FAT4: variants seen among roughly 807,000 people sequenced by gnomAD.
FAT4 encodes protocadherin Fat 4.
FAT4 carries 84 observed loss-of-function variants against 303.9 expected under a neutral mutation model. The observed-to-expected ratio is 0.28, with a 90% CI of 0.23 to 0.33. FAT4 has a LOEUF of 0.33. Among genes scored for constraint, FAT4 ranks in the 10% least tolerant of loss-of-function variants. The pLI, the probability that FAT4 is intolerant of heterozygous loss-of-function variation, is 1.00. For synonymous variants in FAT4, 2,307 were observed against 2,298.8 expected (o/e 1.00, Z -0.10); for missense variants, 6,005 against 6,146.8 (o/e 0.98, Z 0.77).
At chr4:125,446,664 C>G in intron 9 of FAT4, 121 bp downstream of exon 9, 1 of 1,039,390 alleles carries the variant, frequency 9.6e-7, no homozygotes, top group Non-Finnish European at 1.3e-6. Flanking sequence ...TGCAAATCCT[C>G]TAAAATTCAG....
chr4:125,466,933 C>A (rs1055172554), intron 11 of FAT4, among the ~76,000 whole-genome samples: 1 of 151,806 alleles, frequency 6.6e-6, no homozygotes, highest in African/African-American at 2.4e-5. Flanking sequence ...TGCCACCATG[C>A]CCGGCTAATT....
At chr4:125,362,624 T>C (rs1167874683) in intron 2 of FAT4, among the ~76,000 whole-genome samples, 2 of 152,218 alleles carry the variant, frequency 1.3e-5, no homozygotes, top group Non-Finnish European at 2.9e-5. Flanking sequence ...GAATACCATA[T>C]GAATTTTAAA....
chr4:125,360,182 C>A (rs1195653682), intron 2 of FAT4, among the ~76,000 whole-genome samples: 1 of 152,104 alleles, frequency 6.6e-6, no homozygotes, highest in African/African-American at 2.4e-5. Context: ...TCCTCCTTTA[C>A]GCATTGCTAG....
chr4:125,425,066 G>T (rs1383902587), intron 7 of FAT4, among the ~76,000 whole-genome samples: 1 of 152,248 alleles, frequency 6.6e-6, no homozygotes, highest in East Asian at 1.9e-4. Flanking sequence ...TTAGTTCTCA[G>T]GGAAGACATT....
At chr4:125,356,949 A>T (rs1347799006) in intron 2 of FAT4, among the ~76,000 whole-genome samples, 3 of 151,952 alleles carry the variant, frequency 2.0e-5, no homozygotes, top group Admixed American at 6.6e-5. Flanking sequence ...AAAATGTAAA[A>T]ATTAAGTCCC....
At chr4:125,373,661 A>T (rs952105150) in intron 2 of FAT4, among the ~76,000 whole-genome samples, 7 of 152,178 alleles carry the variant, frequency 4.6e-5, no homozygotes, top group Admixed American at 4.6e-4. Context: ...ACACACTTTT[A>T]TCTCATTTAA....
intron 2 of FAT4, among the ~76,000 whole-genome samples, chr4:125,332,746 C>T (rs1731433819): frequency 6.6e-6 from 1 of 151,680 alleles, no homozygotes; most frequent in African/African-American, 2.4e-5. Context: ...CTTCTCCAGT[C>T]CAAAAAAGGG....
At position 125,476,129 on chromosome 4, in the gene FAT4, G is replaced by C. The variant is rs180692127; in HGVS notation, c.12214-42G>C. 2.1e-3 allele frequency: 2,797 copies of C among 1,302,892 alleles called. 13 individuals carry two copies. The highest frequency in any genetic ancestry group is 2.0e-3 in the Non-Finnish European group (1,831 of 908,884). The allele number at this position is 1,302,892 out of a possible 1,614,324, so 80.7% of individuals were successfully genotyped here. ...GTTGGCTGGAAAGGCTAATAGGGAC[G>C]GTAGAACTCAAAGTTGAATGTTTCT... On this transcript the variant is annotated intron_variant, in intron 12 of 17. Transcript: ENST00000394329.
intron 2 of FAT4, among the ~76,000 whole-genome samples, chr4:125,324,860 C>A (rs1337080743): frequency 6.6e-6 from 1 of 152,068 alleles, no homozygotes; most frequent in African/African-American, 2.4e-5. Context: ...CATTTTAAAA[C>A]TACATTATAT....
At chr4:125,470,926 T>C (rs1396016615) in intron 12 of FAT4, among the ~76,000 whole-genome samples, 1 of 152,238 alleles carries the variant, frequency 6.6e-6, no homozygotes, top group Admixed American at 6.5e-5. Context: ...CGAAATGCCT[T>C]CGTCACTAAG....
Position 125,318,593 on chromosome 4 carries a change from A to T in FAT4, c.2182A>T (p.Ile728Leu). 1.2e-6 allele frequency: 2 copies of T among 1,614,178 alleles called. No homozygotes were observed. Residue 728 changes from isoleucine to leucine, a missense_variant, in exon 2 of 18, where the codon ATA (isoleucine) becomes TTA (leucine). By Grantham distance (5) the Ile-to-Leu change is conservative (BLOSUM62 2). Coordinates refer to ENST00000394329, the MANE Select transcript of FAT4 (RefSeq NM_001291303.3). ...LGTNGTVKYS[I>L]SAGDRSRFQV... ...TACCAATGGTACTGTCAAATATAGC[A>T]TATCTGCTGGGGACAGGTCTCGGTT...
chr4:125,419,439 T>G (rs1021367700), intron 7 of FAT4, among the ~76,000 whole-genome samples: 4 of 152,192 alleles, frequency 2.6e-5, no homozygotes, highest in African/African-American at 9.7e-5. Flanking sequence ...CCACTTTTCT[T>G]TACCTCCAAA....
At chr4:125,469,473 T>G (rs1726786575) in intron 12 of FAT4, among the ~76,000 whole-genome samples, 1 of 152,214 alleles carries the variant, frequency 6.6e-6, no homozygotes, top group African/African-American at 2.4e-5. Flanking sequence ...TGAAATTGTT[T>G]CAAACTTGAA....
At chr4:125,387,369 G>C (rs1195891419) in intron 2 of FAT4, among the ~76,000 whole-genome samples, 1 of 152,172 alleles carries the variant, frequency 6.6e-6, no homozygotes. Context: ...TCTCGTGTAG[G>C]TTCTAGAAAA....
chr4:125,382,667 C>T (rs1388772843), intron 2 of FAT4, among the ~76,000 whole-genome samples: 4 of 152,182 alleles, frequency 2.6e-5, no homozygotes, highest in Non-Finnish European at 5.9e-5. Flanking sequence ...TAGTCCCTGA[C>T]AAGAAACTCA....
At chr4:125,481,393 G>C (rs1346542539) in intron 15 of FAT4, 128 bp from the exon 16 acceptor site, 3 of 698,306 alleles carry the variant, frequency 4.3e-6, no homozygotes, top group Non-Finnish European at 7.2e-6. Context: ...TTTAAGAGTA[G>C]AGTTGGGGGA....
At chr4:125,436,834 T>C (rs1048352390) in intron 8 of FAT4, among the ~76,000 whole-genome samples, 2 of 152,012 alleles carry the variant, frequency 1.3e-5, no homozygotes, top group Non-Finnish European at 2.9e-5. Flanking sequence ...CCTTGACACA[T>C]GGGGATTATT....
intron 10 of FAT4, among the ~76,000 whole-genome samples, chr4:125,459,867 A>C (rs1726423168): frequency 1.3e-5 from 2 of 152,116 alleles, no homozygotes; most frequent in Non-Finnish European, 2.9e-5. Flanking sequence ...TCTGATACTC[A>C]TTATGCTATT....
chr4:125,417,208 G>A (rs17009625), intron 7 of FAT4, among the ~76,000 whole-genome samples: 8,929 of 152,094 alleles, frequency 0.059, 342 homozygotes, highest in African/African-American at 0.1. Flanking sequence ...CTCTGGATGT[G>A]ACCTTACACT....
Sources: allele counts gnomAD v4.1 joint callset (sites outside exome capture counted in the v4.1 genomes callset), GRCh38; gene constraint gnomAD v4.1.1; transcripts MANE v1.5; gene names NCBI Gene and HGNC (gene_info 2026-07-23, HGNC 2026-07-21).